Variants in PRKG1 observed in about 807,000 individuals in gnomAD.
PRKG1 encodes cGMP-dependent protein kinase 1.
A neutral mutation model predicts 88.1 loss-of-function variants in PRKG1; 35 were observed. The observed-to-expected ratio is 0.40, with a 90% confidence interval of 0.30 to 0.53. The LOEUF (loss-of-function observed/expected upper bound fraction) is 0.53, where lower values mean the gene tolerates loss of function less well. PRKG1 is among the 20% of genes least tolerant of loss of function. The pLI is 0.59. For synonymous variants in PRKG1, 303 were observed against 292.5 expected, an observed-to-expected ratio of 1.04 and a Z score of -0.37; for missense variants, 540 against 839.8, an observed-to-expected ratio of 0.64 and a Z score of 4.41.
chr10:51,096,983 C>A (rs1844545824), intron 1 of PRKG1, among the ~76,000 whole-genome samples: 1 of 152,158 alleles, frequency 6.6e-6, no homozygotes, highest in African/African-American at 2.4e-5. Flanking sequence ...GTGCATTAGC[C>A]AGTTTGGAAA....
At chr10:52,005,212 G>A (rs2133157591) in intron 5 of PRKG1, among the ~76,000 whole-genome samples, 1 of 149,842 alleles carries the variant, frequency 6.7e-6, no homozygotes, top group Non-Finnish European at 1.5e-5. Flanking sequence ...ATACAATATA[G>A]CAATGTGGCT....
chr10:51,575,237 C>T (rs573176379), intron 3 of PRKG1, among the ~76,000 whole-genome samples: 2 of 151,794 alleles, frequency 1.3e-5, no homozygotes, highest in African/African-American at 4.8e-5. Flanking sequence ...TTGTCATCAC[C>T]TTCTCTTCAT....
At chr10:51,595,627 CAATA>C (rs10599209) in intron 3 of PRKG1, among the ~76,000 whole-genome samples, 104,670 of 145,766 alleles carry the variant, frequency 0.72, 37,856 homozygotes, top group East Asian at 0.88. Context: ...GAGACTCTGC[CAATA>C]AATAAATAAA....
chr10:51,126,122 TATTTA>T (rs1183583744), intron 1 of PRKG1, among the ~76,000 whole-genome samples: 77 of 121,736 alleles, frequency 6.3e-4, no homozygotes, highest in Non-Finnish European at 1.1e-3. Context: ...TATATAATTA[TATTTA>T]ATTTTATAAT....
chr10:51,775,104 CT>C (rs1469000278), intron 3 of PRKG1, among the ~76,000 whole-genome samples: 1 of 152,012 alleles, frequency 6.6e-6, no homozygotes, highest in Non-Finnish European at 1.5e-5. Context: ...CTGATTGGAA[CT>C]CTATTACTTT....
At chr10:51,594,058 T>G (rs1241454049) in intron 3 of PRKG1, among the ~76,000 whole-genome samples, 2 of 151,964 alleles carry the variant, frequency 1.3e-5, no homozygotes, top group Admixed American at 6.6e-5. Context: ...AGGGTCTTAC[T>G]CTGTTGGCTA....
At chr10:52,128,522 G>A (rs1366966409) in intron 7 of PRKG1, 5 of 985,362 alleles carry the variant, frequency 5.1e-6, no homozygotes, top group South Asian at 4.7e-5. Context: ...TTCCAGTGAC[G>A]AAGTTCAAAG....
chr10:51,046,604 C>T lies in PRKG1; in HGVS notation c.266+54960C>T, dbSNP rs931215064. Among the ~76,000 whole-genome samples, 17 of 152,252 alleles carry T rather than the reference C, an allele frequency of 1.1e-4. No individual in the cohort carries two copies. In the East Asian group the frequency reaches 2.1e-3, roughly 19 times the overall value. ...TTGAGCTGTCGCTTTTGCAGAGAGACGACAGGTCTTAAACAGAGGCTTCTG... is the reference window on the plus strand; with the variant it reads ...TTGAGCTGTCGCTTTTGCAGAGAGATGACAGGTCTTAAACAGAGGCTTCTG... On this transcript the variant is annotated intron_variant, in intron 1 of 17. Transcript: ENST00000401604.
At chr10:51,781,438 A>G (rs1244790634) in intron 3 of PRKG1, among the ~76,000 whole-genome samples, 1 of 152,176 alleles carries the variant, frequency 6.6e-6, no homozygotes, top group East Asian at 1.9e-4. Context: ...CTCTACAGTT[A>G]TCCCAGATTA....
intron 3 of PRKG1, among the ~76,000 whole-genome samples, chr10:51,683,480 A>G (rs960141820): frequency 6.6e-6 from 1 of 152,218 alleles, no homozygotes; most frequent in East Asian, 1.9e-4. Flanking sequence ...CTGGCTTTTG[A>G]GAAAAGAAAA....
At chr10:51,585,081 C>A (rs182010487) in intron 3 of PRKG1, among the ~76,000 whole-genome samples, 306 of 152,142 alleles carry the variant, frequency 2.0e-3, no homozygotes, top group Non-Finnish European at 3.6e-3. Flanking sequence ...CTCCTGGTCT[C>A]TTCTGTCAAG....
intron 7 of PRKG1, among the ~76,000 whole-genome samples, chr10:52,068,938 C>G (rs182950761): frequency 2.6e-3 from 332 of 130,002 alleles, no homozygotes; most frequent in African/African-American, 7.3e-3. Context: ...AAGTGCAGCC[C>G]TGAGTTACCT....
chr10:51,764,784 A>G (rs1486291943), intron 3 of PRKG1, among the ~76,000 whole-genome samples: 1 of 152,200 alleles, frequency 6.6e-6, no homozygotes, highest in Middle Eastern at 3.2e-3. Context: ...TCCTAAGTTG[A>G]TGATATTATG....
At chr10:51,600,761 A>G (rs2132225143) in intron 3 of PRKG1, among the ~76,000 whole-genome samples, 1 of 152,292 alleles carries the variant, frequency 6.6e-6, no homozygotes, top group African/African-American at 2.4e-5. Flanking sequence ...GCCACATGTG[A>G]CTAGTGGCTA....
chr10:51,631,443 A>G (rs534355971), intron 3 of PRKG1, among the ~76,000 whole-genome samples: 1 of 152,300 alleles, frequency 6.6e-6, no homozygotes, highest in South Asian at 2.1e-4. Context: ...GCAGCTGTAC[A>G]ATTGAAGTAC....
intron 3 of PRKG1, among the ~76,000 whole-genome samples, chr10:51,754,692 A>C (rs1837812087): frequency 6.6e-6 from 1 of 152,214 alleles, no homozygotes. Flanking sequence ...GAAGGTGCCC[A>C]TTAGTGAAGT....
rs370461631 is a variant in PRKG1, at chr10:52,288,706, C to T, written c.1710-20C>T. ...AGAAAATAAAAGTAATATCTCTTGT[C>T]GTGTCTCTCATTCTTGCAGCCCACC... On this transcript the variant is annotated intron_variant, in intron 14 of 17. Coordinates refer to ENST00000373980, the MANE Select transcript of PRKG1 (RefSeq NM_006258.4). 8.3e-6 allele frequency: 13 copies of T among 1,564,418 alleles called. No individual in the cohort carries two copies. In the African/African-American group the frequency reaches 9.7e-5, roughly 12 times the overall value.
At chr10:51,740,331 CA>C (rs1398856009) in intron 3 of PRKG1, among the ~76,000 whole-genome samples, 1 of 152,182 alleles carries the variant, frequency 6.6e-6, no homozygotes, top group Non-Finnish European at 1.5e-5. Context: ...AACTGGCCCC[CA>C]CACAGCTTTT....
intron 1 of PRKG1, among the ~76,000 whole-genome samples, chr10:51,094,428 C>T (rs547313295): frequency 1.1e-4 from 16 of 152,034 alleles, no homozygotes; most frequent in Non-Finnish European, 1.8e-4. Flanking sequence ...TGGTTTTGAG[C>T]TATGAATATA....
Sources: gnomAD v4.1 joint callset for allele counts (sites outside exome capture counted in the v4.1 genomes callset) on GRCh38, gnomAD v4.1.1 for gene constraint, MANE v1.5 for transcripts, NCBI Gene and HGNC (gene_info 2026-07-23, HGNC 2026-07-21) for gene names.